The following ADAM18 variants were observed in gnomAD, a reference collection of about 807,000 sequenced individuals.
The protein encoded by ADAM18 is ADAM metallopeptidase domain 18, also known as disintegrin and metalloproteinase domain-containing protein 18.
Under a neutral mutation model 94.4 loss-of-function variants are expected in ADAM18, and 117 were observed. That is an observed-to-expected ratio of 1.24 (90% CI 1.07 to 1.45). The LOEUF (loss-of-function observed/expected upper bound fraction) is 1.45, where lower values mean the gene tolerates loss of function less well. ADAM18 is among the 40% of genes most tolerant of loss of function. The probability of loss-of-function intolerance (pLI) is 0.00; values close to 1 mark genes in which losing one functional copy is unlikely to be tolerated. For missense variants in ADAM18, 936 were observed against 880.0 expected (o/e 1.06, Z -0.81); for synonymous variants, 327 against 291.6 (o/e 1.12, Z -1.24).
Position 39,637,566 on chromosome 8 carries a change from A to G in ADAM18, c.690A>G (p.Ile230Met). The change falls in exon 9 of 20, where the codon ATA becomes ATG. Residue 230 changes from isoleucine (I) to methionine (M), a missense_variant. Transcript: ENST00000265707. Reference sequence around the variant, plus strand: ...TTACCCAGTTCAAATTGACTGTTATACTGTCTTCCTTGGAATTGTGGTCAA... The same window carrying G: ...TTACCCAGTTCAAATTGACTGTTATGCTGTCTTCCTTGGAATTGTGGTCAA... The part of the protein sequence containing the change: ...TMFTQFKLTV[I>M]LSSLELWSNE... 6.2e-7 allele frequency: 1 copy of G among 1,612,456 alleles called. No individual in the cohort carries two copies. The highest frequency in any genetic ancestry group is 1.1e-5 in the South Asian group (1 of 90,960).
At chr8:39,694,998 T>G (rs1358028315) in intron 17 of ADAM18, among the ~76,000 whole-genome samples, 1 of 151,480 alleles carries the variant, frequency 6.6e-6, no homozygotes. Context: ...CCCATGAACT[T>G]TTTACTGTTT....
intron 14 of ADAM18, among the ~76,000 whole-genome samples, chr8:39,671,762 C>T (rs1821164873): frequency 6.6e-6 from 1 of 152,106 alleles, no homozygotes; most frequent in Non-Finnish European, 1.5e-5. Context: ...TTCGTGGCCA[C>T]TAGCTGAAAA....
chr8:39,681,572 T>C (rs1821459820), intron 16 of ADAM18, among the ~76,000 whole-genome samples: 1 of 152,180 alleles, frequency 6.6e-6, no homozygotes, highest in African/African-American at 2.4e-5. Context: ...TACCTGGACA[T>C]ATGGTGCTGC....
intron 12 of ADAM18, among the ~76,000 whole-genome samples, chr8:39,658,236 C>T (rs1292339278): frequency 6.6e-6 from 1 of 152,190 alleles, no homozygotes; most frequent in Non-Finnish European, 1.5e-5. Flanking sequence ...ATATCATCCT[C>T]TCAAAGTTGC....
chr8:39,689,288 A>T (rs1331667435), intron 16 of ADAM18, among the ~76,000 whole-genome samples: 1 of 152,142 alleles, frequency 6.6e-6, no homozygotes, highest in Non-Finnish European at 1.5e-5. Context: ...GCCTGCGCCT[A>T]TGTCTTAAAT....
intron 12 of ADAM18, among the ~76,000 whole-genome samples, chr8:39,656,402 A>G (rs1268202975): frequency 6.6e-6 from 1 of 152,130 alleles, no homozygotes; most frequent in East Asian, 1.9e-4. Flanking sequence ...TGCCTTTACA[A>G]AAAATGACGC....
intron 2 of ADAM18, among the ~76,000 whole-genome samples, chr8:39,599,191 T>C (rs1345367641): frequency 1.3e-5 from 2 of 152,356 alleles, no homozygotes; most frequent in East Asian, 1.9e-4. Context: ...GATGATTACA[T>C]GAATTGATTT....
Position 39,627,708 on chromosome 8 carries a change from T to C in ADAM18, c.523-1666T>C, listed in dbSNP as rs111809189. Among the ~76,000 whole-genome samples, 1,520 of 152,186 alleles carry C rather than the reference T, an allele frequency of 1.0e-2. 30 individuals carry two copies. The highest frequency in any genetic ancestry group is 0.035 in the African/African-American group (1,447 of 41,538). ...CTTCTAAGTGGTGTATTTAGACCAT[T>C]TATATTCAACATTAATATTGAGATG... On this transcript the variant is annotated intron_variant, in intron 6 of 19. Transcript: ENST00000265707.
At chr8:39,614,015 G>A (rs1395657466) in intron 6 of ADAM18, among the ~76,000 whole-genome samples, 7 of 152,168 alleles carry the variant, frequency 4.6e-5, no homozygotes, top group African/African-American at 1.7e-4. Flanking sequence ...CCCTGAAATG[G>A]AGTGAAAGAG....
intron 18 of ADAM18, among the ~76,000 whole-genome samples, chr8:39,723,294 T>C (rs187726192): frequency 4.3e-4 from 65 of 151,616 alleles, no homozygotes; most frequent in Admixed American, 4.6e-4. Context: ...CGGATACAAG[T>C]ATAGGTATAA....
chr8:39,710,857 G>A (rs1028940273), intron 18 of ADAM18, among the ~76,000 whole-genome samples: 21 of 152,112 alleles, frequency 1.4e-4, no homozygotes, highest in South Asian at 8.3e-4. Flanking sequence ...TCAAAATTAC[G>A]TGGATATATG....
chr8:39,646,286 T>C (rs1158111457), intron 11 of ADAM18, among the ~76,000 whole-genome samples: 1 of 152,084 alleles, frequency 6.6e-6, no homozygotes, highest in Non-Finnish European at 1.5e-5. Context: ...AAATAAAATG[T>C]GAGTCACATA....
chr8:39,591,893 C>T (rs1818579124), intron 2 of ADAM18, among the ~76,000 whole-genome samples: 1 of 152,202 alleles, frequency 6.6e-6, no homozygotes. Context: ...CTTGACTGGG[C>T]TGCAGAATGG....
chr8:39,726,618 CATTGCCCAGACCAATGG>C (rs992094169), intron 19 of ADAM18, among the ~76,000 whole-genome samples: 49 of 152,210 alleles, frequency 3.2e-4, no homozygotes, highest in African/African-American at 1.2e-3. Flanking sequence ...CCAATAAAAT[CATTGCCCAGACCAATGG>C]CAAGGAGCTT....
chr8:39,709,362 C>T (rs1043090398), intron 18 of ADAM18, among the ~76,000 whole-genome samples: 1 of 152,216 alleles, frequency 6.6e-6, no homozygotes, highest in Admixed American at 6.5e-5. Flanking sequence ...TGCTTCTCCT[C>T]TGTGCCAGCT....
intron 1 of ADAM18, 89 bp downstream of exon 1, chr8:39,584,766 C>A: frequency 2.8e-6 from 4 of 1,448,400 alleles, no homozygotes; most frequent in Non-Finnish European, 3.8e-6. Flanking sequence ...TTCTGGGACC[C>A]TCCCCCTCTC....
intron 16 of ADAM18, among the ~76,000 whole-genome samples, chr8:39,689,689 T>C (rs1821714644): frequency 6.6e-6 from 1 of 152,174 alleles, no homozygotes; most frequent in Non-Finnish European, 1.5e-5. Flanking sequence ...TCATTTTTTG[T>C]TTTATGTGAA....
chr8:39,654,220 C>T (rs575603773), intron 12 of ADAM18, among the ~76,000 whole-genome samples: 3 of 141,414 alleles, frequency 2.1e-5, no homozygotes, highest in Admixed American at 7.0e-5. Context: ...TGCAGTGGCG[C>T]GATCTCAGCT....
intron 2 of ADAM18, among the ~76,000 whole-genome samples, chr8:39,595,070 CTG>C (rs1167660043): frequency 6.6e-6 from 1 of 152,040 alleles, no homozygotes; most frequent in African/African-American, 2.4e-5. Context: ...CCCTGAAGCT[CTG>C]TGCATTTTTT....
Sources: gnomAD v4.1 joint callset for allele counts (sites outside exome capture counted in the v4.1 genomes callset) on GRCh38, gnomAD v4.1.1 for gene constraint, MANE v1.5 for transcripts, NCBI Gene and HGNC (gene_info 2026-07-23, HGNC 2026-07-21) for gene names.